The following ZBTB20 variants were observed in gnomAD, a reference collection of about 807,000 sequenced individuals.
ZBTB20 encodes zinc finger and BTB domain containing 20.
In ZBTB20, 9 loss-of-function variants were observed where a neutral mutation model predicts 56.9. That is an observed-to-expected ratio of 0.16 (90% CI 0.10 to 0.28). ZBTB20 has a LOEUF of 0.28. Among genes scored for constraint, ZBTB20 ranks in the 10% least tolerant of loss-of-function variants. The pLI is 1.00. For synonymous variants in ZBTB20, 417 were observed against 420.7 expected (o/e 0.99, Z 0.11); for missense variants, 655 against 1,003.0 (o/e 0.65, Z 4.69).
chr3:114,547,935 A>T (rs192159100), intron 6 of ZBTB20, among the ~76,000 whole-genome samples: 1 of 152,176 alleles, frequency 6.6e-6, no homozygotes, highest in Admixed American at 6.5e-5. Flanking sequence ...CAGTGCTTTC[A>T]TTAGTGCTAG....
intron 7 of ZBTB20, among the ~76,000 whole-genome samples, chr3:114,417,260 C>CA (rs1187423667): frequency 6.6e-6 from 1 of 151,938 alleles, no homozygotes; most frequent in African/African-American, 2.4e-5. Context: ...TTGAAACAAA[C>CA]AAAAACACAA....
intron 1 of ZBTB20, among the ~76,000 whole-genome samples, chr3:115,098,860 T>C (rs144929974): frequency 2.2e-3 from 330 of 152,294 alleles, no homozygotes; most frequent in African/African-American, 7.5e-3. Flanking sequence ...GTCTGCCACT[T>C]CTGTTAAATA....
At chr3:114,534,027 C>A (rs1201988428) in intron 6 of ZBTB20, among the ~76,000 whole-genome samples, 1 of 152,120 alleles carries the variant, frequency 6.6e-6, no homozygotes, top group Non-Finnish European at 1.5e-5. Context: ...CCAGCCACTG[C>A]AAAAACACAC....
intron 3 of ZBTB20, among the ~76,000 whole-genome samples, chr3:114,956,013 T>C (rs932791271): frequency 6.6e-6 from 1 of 152,176 alleles, no homozygotes; most frequent in African/African-American, 2.4e-5. Flanking sequence ...GAAACACCCA[T>C]ATATCATGCT....
intron 6 of ZBTB20, among the ~76,000 whole-genome samples, chr3:114,610,900 G>T (rs1415451755): frequency 6.6e-6 from 1 of 152,028 alleles, no homozygotes; most frequent in Non-Finnish European, 1.5e-5. Flanking sequence ...CACAATTCTT[G>T]GTTAACCAAG....
chr3:114,680,317 T>TA (rs993690243), intron 6 of ZBTB20, among the ~76,000 whole-genome samples: 4 of 151,786 alleles, frequency 2.6e-5, no homozygotes, highest in East Asian at 1.9e-4. Flanking sequence ...TGTGATAAAA[T>TA]AAAAAAAAGA....
intron 7 of ZBTB20, among the ~76,000 whole-genome samples, chr3:114,404,934 T>A (rs112627640): frequency 0.014 from 2,062 of 152,218 alleles, 62 homozygotes; most frequent in African/African-American, 0.047. Context: ...GCAGCTTAGT[T>A]TGACCCAACT....
At chr3:114,989,484 A>G (rs1226651848) in intron 2 of ZBTB20, among the ~76,000 whole-genome samples, 1 of 152,140 alleles carries the variant, frequency 6.6e-6, no homozygotes, top group Non-Finnish European at 1.5e-5. Flanking sequence ...TAGCAGCACC[A>G]TGCTGTTTGG....
At chr3:114,455,611 A>C (rs2109075471) in intron 7 of ZBTB20, among the ~76,000 whole-genome samples, 2 of 152,236 alleles carry the variant, frequency 1.3e-5, no homozygotes, top group South Asian at 4.2e-4. Flanking sequence ...TAGATCTTGG[A>C]GGGAGAAGGA....
intron 6 of ZBTB20, chr3:114,519,580 T>G (rs1319379843): frequency 6.6e-6 from 1 of 152,182 alleles, no homozygotes; most frequent in East Asian, 1.9e-4. Flanking sequence ...GAGGAGGGCA[T>G]GCGCTGATTT....
Position 114,333,313 on chromosome 3 carries a change from T to TC in ZBTB20, c.*5691dup, listed in dbSNP as rs2079331422. 1 of 152,204 alleles carries TC rather than the reference T, an allele frequency of 6.6e-6. No individual in the cohort carries two copies. Among genetic ancestry groups the TC allele is most frequent in the Non-Finnish European group, 1.5e-5 (1 of 68,032 alleles). 9.4% of individuals were successfully genotyped at this position (152,204 alleles called of 1,614,324 possible). On this transcript the variant is annotated 3_prime_UTR_variant, in exon 12 of 12. Transcript: ENST00000675478. Reference sequence around the variant, plus strand: ...AATACTCTCTCTCAAGAGCAAGGGCTCTTCCGTGCCCCTTTTCTGCCTCTG... The same window carrying TC: ...AATACTCTCTCTCAAGAGCAAGGGCTCCTTCCGTGCCCCTTTTCTGCCTCTG...
intron 10 of ZBTB20, among the ~76,000 whole-genome samples, chr3:114,355,632 T>A (rs2108262798): frequency 6.6e-6 from 1 of 152,310 alleles, no homozygotes; most frequent in East Asian, 1.9e-4. Context: ...TTTGTGAGCA[T>A]GTCCTTTTCA....
intron 6 of ZBTB20, among the ~76,000 whole-genome samples, chr3:114,643,594 C>A (rs1261244499): frequency 6.6e-6 from 1 of 152,070 alleles, no homozygotes; most frequent in Non-Finnish European, 1.5e-5. Flanking sequence ...ACATGTTTTC[C>A]TGCATGTTTG....
chr3:114,517,859 C>T (rs2046192517), intron 6 of ZBTB20, among the ~76,000 whole-genome samples: 1 of 152,070 alleles, frequency 6.6e-6, no homozygotes, highest in African/African-American at 2.4e-5. Flanking sequence ...CAGGTGTGAG[C>T]CACTGCACCC....
intron 6 of ZBTB20, among the ~76,000 whole-genome samples, chr3:114,588,396 C>T (rs2055398122): frequency 6.6e-6 from 1 of 152,160 alleles, no homozygotes; most frequent in Admixed American, 6.5e-5. Flanking sequence ...TGAGGAATGT[C>T]TCCTGAACAT....
intron 5 of ZBTB20, among the ~76,000 whole-genome samples, chr3:114,705,240 T>G (rs566511989): frequency 6.6e-6 from 1 of 152,216 alleles, no homozygotes; most frequent in South Asian, 2.1e-4. Context: ...ATATTTGATC[T>G]GTTTCAGAAC....
intron 1 of ZBTB20, among the ~76,000 whole-genome samples, chr3:115,132,855 T>C (rs2084546316): frequency 6.6e-6 from 1 of 152,212 alleles, no homozygotes; most frequent in South Asian, 2.1e-4. Flanking sequence ...AATTTGATGA[T>C]GTAATAAATT....
chr3:114,860,966 T>C (rs1392016181), intron 4 of ZBTB20, among the ~76,000 whole-genome samples: 3 of 152,154 alleles, frequency 2.0e-5, no homozygotes, highest in East Asian at 1.9e-4. Flanking sequence ...TATGTGTAGA[T>C]TGAATGGAAC....
intron 5 of ZBTB20, among the ~76,000 whole-genome samples, chr3:114,799,424 T>C (rs2071562042): frequency 1.3e-5 from 2 of 151,954 alleles, no homozygotes; most frequent in African/African-American, 4.8e-5. Flanking sequence ...TCGTATGATA[T>C]GATAAGCAGA....
Sources: gnomAD v4.1 joint callset for allele counts (sites outside exome capture counted in the v4.1 genomes callset) on GRCh38, gnomAD v4.1.1 for gene constraint, MANE v1.5 for transcripts, NCBI Gene and HGNC (gene_info 2026-07-23, HGNC 2026-07-21) for gene names.